Variants in NSL1 observed in about 807,000 individuals in gnomAD.
NSL1 encodes NSL1 component of MIS12 kinetochore complex, also known as kinetochore-associated protein NSL1 homolog.
A neutral mutation model predicts 25.4 loss-of-function variants in NSL1; 11 were observed. The ratio of observed to expected loss-of-function variants is 0.43; its 90% confidence interval spans 0.27 to 0.72. The LOEUF is 0.72. Among genes scored for constraint, NSL1 ranks in the 30% least tolerant of loss-of-function variants. The pLI, the probability that NSL1 is intolerant of heterozygous loss-of-function variation, is 0.19. For missense variants in NSL1, 330 were observed against 342.7 expected, an observed-to-expected ratio of 0.96 and a Z score of 0.29; for synonymous variants, 118 against 120.6, an observed-to-expected ratio of 0.98 and a Z score of 0.14.
At position 212,791,598 on chromosome 1, in the gene NSL1, A is replaced by G. The variant is rs749368725; in HGVS notation, c.166T>C (p.Phe56Leu). 1.9e-6 allele frequency: 3 copies of G among 1,613,868 alleles called. No homozygotes were observed. In the South Asian group the frequency reaches 3.3e-5, roughly 18 times the overall value. ...AGAGCGTCCCCGAGCTTTTGCACGA[A>G]GCGGCCGCACAGTTGTAGCATTTCG... ...VTEMLQLCGR[F>L]VQKLGDALPE... The change falls in exon 1 of 6, where the codon TTC (phenylalanine) becomes CTC (leucine). Residue 56 changes from phenylalanine to leucine, a missense_variant. Transcript: ENST00000366977.
chr1:212,789,927 T>G (rs1661105736), intron 1 of NSL1, among the ~76,000 whole-genome samples: 2 of 152,212 alleles, frequency 1.3e-5, no homozygotes, highest in Non-Finnish European at 2.9e-5. Flanking sequence ...ATTCTTGCCT[T>G]GCTTGCAAGG....
chr1:212,779,186 T>G (rs1660545069), intron 4 of NSL1, among the ~76,000 whole-genome samples: 1 of 150,532 alleles, frequency 6.6e-6, no homozygotes, highest in Non-Finnish European at 1.5e-5. Flanking sequence ...GTCTGGGAAG[T>G]GAGGAGCGTC....
intron 4 of NSL1, chr1:212,766,131 A>T: frequency 2.1e-6 from 1 of 473,938 alleles, no homozygotes; most frequent in East Asian, 3.5e-5. Context: ...GCGAGACTCC[A>T]TCTCAAAAAA....
Position 212,784,453 on chromosome 1 carries a change from G to T in NSL1, c.354C>A (p.Ile118=). ...IKVLEDQFDE[I]IVDIATKRKQ... ...TACGTTTTGTGGCTATATCTACTATGATTTCATCAAACTGATCTTCAAGTA... is the reference window on the plus strand; with the variant it reads ...TACGTTTTGTGGCTATATCTACTATTATTTCATCAAACTGATCTTCAAGTA... The change falls in exon 3 of 6, where the codon ATC becomes ATA. Residue 118 remains isoleucine, a synonymous_variant. Coordinates refer to ENST00000366977, the MANE Select transcript of NSL1 (RefSeq NM_015471.4). The T allele has an allele frequency of 6.3e-7, 1 of 1,583,234 alleles. No individual in the cohort carries two copies. Among genetic ancestry groups the T allele is most frequent in the Non-Finnish European group, 8.6e-7 (1 of 1,157,658 alleles).
chr1:212,732,065 G>GT lies in NSL1; in HGVS notation c.*6342dup. Reference sequence around the variant, plus strand: ...TTTTTTTACTGAATTCAGATTCAGGGTTTTTATTATTATGGCTATATAAAT... The same window carrying GT: ...TTTTTTTACTGAATTCAGATTCAGGGTTTTTTATTATTATGGCTATATAAAT... On this transcript the variant is annotated 3_prime_UTR_variant, in exon 6 of 6. Transcript: ENST00000366977. The GT allele has an allele frequency of 1.1e-6, 1 of 948,958 alleles. No homozygotes were observed. The highest frequency in any genetic ancestry group is 1.2e-6 in the Non-Finnish European group (1 of 808,012). 58.8% of individuals were successfully genotyped at this position (948,958 alleles called of 1,614,324 possible).
chr1:212,781,171 A>G (rs1032020811), intron 4 of NSL1, among the ~76,000 whole-genome samples: 4 of 152,232 alleles, frequency 2.6e-5, no homozygotes, highest in African/African-American at 9.6e-5. Context: ...AGTCTGAATC[A>G]TATGATACAG....
At chr1:212,738,748 G>A (rs1405152437) in intron 5 of NSL1, 62 bp from the exon 6 acceptor site, 1 of 1,376,714 alleles carries the variant, frequency 7.3e-7, no homozygotes, top group African/African-American at 1.5e-5. Flanking sequence ...AACAGACAAA[G>A]ATGGATGCAG....
At chr1:212,754,777 A>AAAAAAAAAAAC (rs1659226258) in intron 4 of NSL1, among the ~76,000 whole-genome samples, 1 of 150,936 alleles carries the variant, frequency 6.6e-6, no homozygotes, top group Non-Finnish European at 1.5e-5. Flanking sequence ...CTCAAAAAAA[A>AAAAAAAAAAAC]AAAAAAAACC....
At position 212,736,509 on chromosome 1, in the gene NSL1, A is replaced by G; in HGVS notation, c.*1899T>C. The G allele has an allele frequency of 1.0e-6, 1 of 985,104 alleles. No homozygotes were observed. The highest frequency in any genetic ancestry group is 1.2e-6 in the Non-Finnish European group (1 of 829,678). The allele number at this position is 985,104 out of a possible 1,614,324, so 61.0% of individuals were successfully genotyped here. On this transcript the variant is annotated 3_prime_UTR_variant, in exon 6 of 6. Transcript: ENST00000366977. ...GCAGAAATGCAACTTCTCCTCTTAC[A>G]CAGTATACTTATTCAATATTATTAC...
chr1:212,764,638 G>A (rs1659714907), intron 4 of NSL1, among the ~76,000 whole-genome samples: 1 of 151,896 alleles, frequency 6.6e-6, no homozygotes, highest in African/African-American at 2.4e-5. Context: ...TTGAGGTCAG[G>A]AGTTTGTGAC....
intron 4 of NSL1, among the ~76,000 whole-genome samples, chr1:212,780,003 T>C (rs1443413646): frequency 6.6e-6 from 1 of 151,830 alleles, no homozygotes; most frequent in Non-Finnish European, 1.5e-5. Flanking sequence ...CTGGGAGGTG[T>C]ACCCAACAGC....
chr1:212,731,528 T>A lies in NSL1; in HGVS notation c.*6880A>T. On this transcript the variant is annotated 3_prime_UTR_variant, in exon 6 of 6. Transcript: ENST00000366977. ...TCTCTTAAACCAAATTTATTTTCCC[T>A]TAATTACTATATGCATTTAATTTTA... is the stretch of plus-strand genomic sequence containing the variant. 1 of 985,304 alleles carries A rather than the reference T, an allele frequency of 1.0e-6. No individual in the cohort carries two copies. The highest frequency in any genetic ancestry group is 1.2e-6 in the Non-Finnish European group (1 of 829,824). 61.0% of individuals were successfully genotyped at this position (985,304 alleles called of 1,614,324 possible). A position where few individuals can be genotyped will look rare whatever the true frequency, so the allele number is the denominator to read the frequency against.
intron 4 of NSL1, among the ~76,000 whole-genome samples, chr1:212,747,350 C>T (rs1308848451): frequency 2.0e-5 from 3 of 152,186 alleles, no homozygotes; most frequent in South Asian, 2.1e-4. Context: ...TCAGATCATT[C>T]GTCCTGCAAG....
intron 1 of NSL1, among the ~76,000 whole-genome samples, chr1:212,790,181 T>A (rs1161110568): frequency 6.6e-6 from 1 of 152,040 alleles, no homozygotes; most frequent in Non-Finnish European, 1.5e-5. Flanking sequence ...GGCCGGCTAA[T>A]TTTTTGTATT....
At chr1:212,776,738 CA>C (rs969105033) in intron 4 of NSL1, among the ~76,000 whole-genome samples, 9 of 126,112 alleles carry the variant, frequency 7.1e-5, no homozygotes, top group East Asian at 3.9e-4. Context: ...ACAACAACAA[CA>C]AAAAAAACCA....
At chr1:212,769,569 T>C (rs1017345053) in intron 4 of NSL1, among the ~76,000 whole-genome samples, 3 of 152,176 alleles carry the variant, frequency 2.0e-5, no homozygotes, top group Admixed American at 1.3e-4. Flanking sequence ...AAGTAAAAAC[T>C]GAAGGAATTC....
chr1:212,755,633 A>G (rs1659270485), intron 4 of NSL1, among the ~76,000 whole-genome samples: 1 of 151,980 alleles, frequency 6.6e-6, no homozygotes, highest in Admixed American at 6.5e-5. Context: ...ATACAAATGC[A>G]TTGATAAAGA....
intron 4 of NSL1, among the ~76,000 whole-genome samples, chr1:212,781,753 T>C (rs1015650112): frequency 1.3e-5 from 2 of 152,230 alleles, no homozygotes; most frequent in African/African-American, 4.8e-5. Context: ...GAAAAACTGT[T>C]ATAAATTTTT....
Position 212,760,324 on chromosome 1 carries a change from T to C in NSL1, c.500-20723A>G, listed in dbSNP as rs1204629803. ...TCTGCACCACTCTACCACACCAGTG[T>C]CTGAGAGCGCCATCTAGGGGCCCAG... On this transcript the variant is annotated intron_variant, in intron 4 of 5. Transcript: ENST00000366977. This position sits in a 1 kb window ranked among gnomAD's most constrained non-coding sequence, Gnocchi z 4.3. Among the ~76,000 whole-genome samples, 1 of 152,030 alleles carries C rather than the reference T, an allele frequency of 6.6e-6. No individual in the cohort carries two copies. Among genetic ancestry groups the C allele is most frequent in the Non-Finnish European group, 1.5e-5 (1 of 67,994 alleles).
Sources: allele counts gnomAD v4.1 joint callset (sites outside exome capture counted in the v4.1 genomes callset), GRCh38; gene constraint gnomAD v4.1.1; non-coding constraint Gnocchi (gnomAD v3.1); transcripts MANE v1.5; gene names NCBI Gene and HGNC (gene_info 2026-07-23, HGNC 2026-07-21).